Variants in ATP13A4 observed in about 807,000 individuals in gnomAD.
ATP13A4 encodes the protein probable cation-transporting ATPase 13A4.
A neutral mutation model predicts 142.5 loss-of-function variants in ATP13A4; 114 were observed. The observed-to-expected ratio is 0.80, with a 90% confidence interval of 0.69 to 0.93. ATP13A4 has a LOEUF of 0.93. Ranked by LOEUF, ATP13A4 falls within the 40% of genes least tolerant of loss-of-function variation. The pLI, the probability that ATP13A4 is intolerant of heterozygous loss-of-function variation, is 0.00. For synonymous variants in ATP13A4, 488 were observed against 514.8 expected (o/e 0.95, Z 0.70); for missense variants, 1,392 against 1,454.0 (o/e 0.96, Z 0.69).
At position 193,582,647 on chromosome 3, in the gene ATP13A4, T is replaced by C. The variant is rs1335010789; in HGVS notation, n.92-741A>G. ...GTATATTACATACATTATATATGTA[T>C]ATTACATACATTATATATGTATATT... On this transcript the variant is annotated intron_variant and non_coding_transcript_variant, in intron 1 of 3. Transcript: ENST00000489140. 2.5e-5 allele frequency among the ~76,000 whole-genome samples: 2 copies of C among 81,306 alleles called. 1 individual carries two copies. The highest frequency in any genetic ancestry group is 4.3e-5 in the Non-Finnish European group (2 of 46,218). 53.3% of individuals were successfully genotyped at this position (81,306 alleles called of 152,430 possible).
At chr3:193,547,037 G>A (rs1723268598) in intron 1 of ATP13A4, among the ~76,000 whole-genome samples, 1 of 152,082 alleles carries the variant, frequency 6.6e-6, no homozygotes, top group Admixed American at 6.5e-5. Flanking sequence ...TTCCTCACTG[G>A]ACAAGCTAAG....
intron 1 of ATP13A4, among the ~76,000 whole-genome samples, chr3:193,523,086 C>T (rs1310096318): frequency 2.0e-5 from 3 of 151,896 alleles, no homozygotes; most frequent in African/African-American, 2.4e-5. Context: ...GCGGATCACC[C>T]GAGGTCAGGA....
chr3:193,538,900 T>C (rs1242041421), intron 1 of ATP13A4, among the ~76,000 whole-genome samples: 1 of 148,662 alleles, frequency 6.7e-6, no homozygotes, highest in African/African-American at 2.5e-5. Context: ...TTCTTTTTTT[T>C]TTTTTTTTTT....
intron 8 of ATP13A4, among the ~76,000 whole-genome samples, chr3:193,478,637 G>GA (rs907676626): frequency 2.0e-5 from 3 of 149,900 alleles, no homozygotes; most frequent in African/African-American, 2.5e-5. Flanking sequence ...AAGTTACCAA[G>GA]AAAAAAAAAG....
chr3:193,495,491 T>C (rs1283526250), intron 3 of ATP13A4, among the ~76,000 whole-genome samples: 2 of 152,096 alleles, frequency 1.3e-5, no homozygotes, highest in Non-Finnish European at 2.9e-5. Context: ...AAACACCATA[T>C]GATCATTTGA....
chr3:193,552,603 T>C (rs1723644913), intron 1 of ATP13A4, among the ~76,000 whole-genome samples: 1 of 152,326 alleles, frequency 6.6e-6, no homozygotes, highest in African/African-American at 2.4e-5. Context: ...GAAGACTGGA[T>C]GTTGATGTTC....
chr3:193,438,660 G>GC, intron 22 of ATP13A4, 76 bp from the exon 23 acceptor site: 4 of 1,276,718 alleles, frequency 3.1e-6, no homozygotes, highest in Non-Finnish European at 4.5e-6. Flanking sequence ...GAAAAGGCCA[G>GC]TTAAGCTGGC....
chr3:193,412,451 C>A, intron 26 of ATP13A4, 80 bp from the exon 27 acceptor site: 1 of 1,323,684 alleles, frequency 7.6e-7, no homozygotes, highest in African/African-American at 1.5e-5. Context: ...GATTCCATAC[C>A]AAACAGTGTC....
At chr3:193,585,668 T>A (rs1287373286) in intron 1 of ATP13A4, among the ~76,000 whole-genome samples, 1 of 152,172 alleles carries the variant, frequency 6.6e-6, no homozygotes, top group Non-Finnish European at 1.5e-5. Context: ...TGTTGTTACA[T>A]GTATCCGCAG....
At chr3:193,457,897 G>T (rs1250307194) in intron 14 of ATP13A4, among the ~76,000 whole-genome samples, 1 of 152,188 alleles carries the variant, frequency 6.6e-6, no homozygotes, top group Non-Finnish European at 1.5e-5. Flanking sequence ...CTGGGGTAGG[G>T]CAGGGCAGAG....
chr3:193,407,273 C>T, intron 29 of ATP13A4, 40 bp downstream of exon 29: 2 of 1,541,078 alleles, frequency 1.3e-6, no homozygotes, highest in South Asian at 1.1e-5. Flanking sequence ...CACATGCGTG[C>T]ACACACACAA....
At chr3:193,406,149 C>T (rs571182514) in intron 29 of ATP13A4, among the ~76,000 whole-genome samples, 3 of 152,242 alleles carry the variant, frequency 2.0e-5, no homozygotes, top group East Asian at 3.9e-4. Context: ...GGCTGGGCAA[C>T]GTGTGTTTTA....
Position 193,575,842 on chromosome 3 carries a change from A to G in ATP13A4, n.291+5865T>C, listed in dbSNP as rs1724379954. Among the ~76,000 whole-genome samples the G allele has an allele frequency of 2.0e-5, 3 of 152,330 alleles. No individual in the cohort carries two copies. In the East Asian group the frequency reaches 5.8e-4, roughly 29 times the overall value. ...TAGGTTGACTTGGTAGAGAAGAAGG[A>G]TAACAGATGCCATTTCCTAAACTGA... On this transcript the variant is annotated intron_variant and non_coding_transcript_variant, in intron 2 of 3. Coordinates refer to the ATP13A4 transcript ENST00000489140.
chr3:193,454,206 G>A lies in ATP13A4; in HGVS notation c.1922C>T (p.Thr641Ile), dbSNP rs778666384. Residue 641 changes from threonine to isoleucine, a missense_variant, in exon 17 of 30, where the codon ACT (threonine) becomes ATT (isoleucine). Thr to Ile is a moderately conservative substitution (Grantham distance 89, BLOSUM62 -1). Coordinates refer to ENST00000342695, the MANE Select transcript of ATP13A4 (RefSeq NM_032279.4). ...ASFCQPETVP[T>I]SFVSELQIYT... ...AATCTGAAGTTCGCTAACAAAACTA[G>A]TGGGTACTGTTTAGAAAGAAACACA... 4.4e-6 allele frequency: 7 copies of A among 1,609,040 alleles called. No homozygotes were observed. The highest frequency in any genetic ancestry group is 1.7e-4 in the Middle Eastern group (1 of 6,050).
chr3:193,500,321 A>G (rs1450666012), intron 3 of ATP13A4, among the ~76,000 whole-genome samples: 1 of 151,914 alleles, frequency 6.6e-6, no homozygotes, highest in Non-Finnish European at 1.5e-5. Flanking sequence ...ACTGGGTGTT[A>G]GCTTTGCCTG....
chr3:193,461,398 C>T (rs1302379666), intron 13 of ATP13A4, among the ~76,000 whole-genome samples: 1 of 152,172 alleles, frequency 6.6e-6, no homozygotes, highest in East Asian at 1.9e-4. Flanking sequence ...CAAATGTACA[C>T]ATATTTTGCA....
intron 12 of ATP13A4, among the ~76,000 whole-genome samples, chr3:193,464,350 C>A (rs1718138349): frequency 6.6e-6 from 1 of 152,120 alleles, no homozygotes; most frequent in Admixed American, 6.6e-5. Context: ...CACCTTCACC[C>A]CAGCATATGT....
At chr3:193,558,758 T>C (rs1723955269), upstream of ATP13A4, among the ~76,000 whole-genome samples, 1 of 152,294 alleles carries the variant, frequency 6.6e-6, no homozygotes. Flanking sequence ...CTACAAATTA[T>C]ACACATATAT....
chr3:193,467,730 T>C (rs1190051613), intron 9 of ATP13A4, among the ~76,000 whole-genome samples: 2 of 152,182 alleles, frequency 1.3e-5, no homozygotes, highest in Non-Finnish European at 2.9e-5. Context: ...CTGTGGGTAC[T>C]GTAAATCAAA....
Sources: allele counts gnomAD v4.1 joint callset (sites outside exome capture counted in the v4.1 genomes callset), GRCh38; gene constraint gnomAD v4.1.1; transcripts MANE v1.5; gene names NCBI Gene and HGNC (gene_info 2026-07-23, HGNC 2026-07-21).